MED16: variants seen among roughly 807,000 people sequenced by gnomAD.
MED16 encodes the protein mediator of RNA polymerase II transcription subunit 16.
MED16 carries 81 observed loss-of-function variants against 84.4 expected under a neutral mutation model. That is an observed-to-expected ratio of 0.96 (90% CI 0.80 to 1.15). The LOEUF (loss-of-function observed/expected upper bound fraction) is 1.15. MED16 is among the 50% of genes most tolerant of loss of function. The pLI is 0.00. For synonymous variants in MED16, 897 were observed against 552.2 expected, an observed-to-expected ratio of 1.62 and a Z score of -8.76; for missense variants, 1,585 against 1,245.9, an observed-to-expected ratio of 1.27 and a Z score of -4.10.
At position 890,131 on chromosome 19, in the gene MED16, C is replaced by T. The variant is rs1372397090; in HGVS notation, c.277+6G>A. The T allele has an allele frequency of 5.8e-6, 9 of 1,541,758 alleles. No individual in the cohort carries two copies. Among genetic ancestry groups the T allele is most frequent in the Middle Eastern group, 3.8e-4 (2 of 5,310 alleles). On this transcript the variant is annotated splice_donor_region_variant and intron_variant, in intron 3 of 15. Transcript: ENST00000325464. ...CACCCCTGGCCACGTGGGACCAGCGCCTCACCTGACTGGTCCCACTCCAGG... is the reference window on the plus strand; with the variant it reads ...CACCCCTGGCCACGTGGGACCAGCGTCTCACCTGACTGGTCCCACTCCAGG...
At chr19:870,449 T>A (rs1394157141) in intron 13 of MED16, among the ~76,000 whole-genome samples, 1 of 151,476 alleles carries the variant, frequency 6.6e-6, no homozygotes, top group African/African-American at 2.4e-5. Flanking sequence ...TAATCCCAGC[T>A]ACTGGGAAGG....
At chr19:883,260 C>T (rs1159993440) in intron 6 of MED16, among the ~76,000 whole-genome samples, 9 of 88,972 alleles carry the variant, frequency 1.0e-4, no homozygotes, top group Non-Finnish European at 1.9e-4. Context: ...TGGGGCGGTG[C>T]GTGAAGAGCT....
chr19:881,480 A>AC (rs1331935995), intron 7 of MED16, 79 bp downstream of exon 7: 1 of 1,501,658 alleles, frequency 6.7e-7, no homozygotes, highest in Non-Finnish European at 9.0e-7. Flanking sequence ...AGCTCCCACG[A>AC]CCCCGTGGCC....
At chr19:876,550 G>C (rs914776754) in intron 9 of MED16, among the ~76,000 whole-genome samples, 2 of 152,088 alleles carry the variant, frequency 1.3e-5, no homozygotes, top group African/African-American at 2.4e-5. Flanking sequence ...TGTTACAGAA[G>C]AAACTTCCCA....
Position 880,061 on chromosome 19 carries a change from G to T in MED16, c.1229C>A (p.Ala410Asp), listed in dbSNP as rs764524747. ...GGCCGGCTCATCCACAGGCCTCGGG[G>T]CCGCGGAGCTGTAGAAGACGGCCAT... is the stretch of plus-strand genomic sequence containing the variant. ...QTMAVFYSSA[A>D]PRPVDEPAMK... Residue 410 changes from alanine (A) to aspartate (D), a missense_variant, in exon 8 of 16, where the codon GCC (alanine) becomes GAC (aspartate). By Grantham distance (126) the Ala-to-Asp change is moderately radical. Coordinates refer to ENST00000325464, the MANE Select transcript of MED16 (RefSeq NM_005481.3). 39 of 1,611,102 alleles carry T rather than the reference G, an allele frequency of 2.4e-5. No individual in the cohort carries two copies. In the Admixed American group the frequency reaches 5.8e-4, roughly 24 times the overall value.
At chr19:881,383 C>A (rs1021829423) in intron 7 of MED16, among the ~76,000 whole-genome samples, 176 bp downstream of exon 7, 1 of 152,174 alleles carries the variant, frequency 6.6e-6, no homozygotes, top group Non-Finnish European at 1.5e-5. Flanking sequence ...ATGAGATCTG[C>A]CTCCTAATTG....
intron 11 of MED16, among the ~76,000 whole-genome samples, chr19:872,746 G>A (rs1302898899): frequency 6.6e-6 from 1 of 151,678 alleles, no homozygotes; most frequent in Non-Finnish European, 1.5e-5. Context: ...TTTCAAGGCC[G>A]CCCACCCCAG....
At position 881,604 on chromosome 19, in the gene MED16, T is replaced by A. The variant is rs759126722; in HGVS notation, c.1096A>T (p.Thr366Ser). The change falls in exon 7 of 16, where the codon ACC becomes TCC. Residue 366 changes from threonine to serine, a missense_variant. Thr to Ser is a moderately conservative substitution (Grantham distance 58, BLOSUM62 1). Coordinates refer to ENST00000325464, the MANE Select transcript of MED16 (RefSeq NM_005481.3). ...GTGTCGCTGGCCACCTTGAGGTCGG[T>A]GTTGGTGAGCGAGATGGGCAGCTTG... ...LPKLPISLTN[T>S]DLKVASDTQF... 1 of 1,612,560 alleles carries A rather than the reference T, an allele frequency of 6.2e-7. No homozygotes were observed. Among genetic ancestry groups the A allele is most frequent in the Non-Finnish European group, 8.5e-7 (1 of 1,179,880 alleles).
intron 13 of MED16, among the ~76,000 whole-genome samples, chr19:870,538 G>A (rs1242225758): frequency 2.0e-5 from 3 of 149,996 alleles, no homozygotes; most frequent in Non-Finnish European, 3.0e-5. Context: ...TCCAGCCTGG[G>A]CAACAGAGTG....
rs574431819 is a variant in MED16, at chr19:881,080, A to AGGGAAGAACGGGAGCTGG, written c.1141+461_1141+478dup. Among the ~76,000 whole-genome samples, 408 of 152,250 alleles carry AGGGAAGAACGGGAGCTGG rather than the reference A, an allele frequency of 2.7e-3. 1 individual carries two copies. Among genetic ancestry groups the AGGGAAGAACGGGAGCTGG allele is most frequent in the African/African-American group, 9.2e-3 (381 of 41,538 alleles). ...TGATAAATGCTCTTTCCAGGGAACCAGGGAAGAACGGGAGCTGGGGGAAGA... is the reference window on the plus strand; with the variant it reads ...TGATAAATGCTCTTTCCAGGGAACCAGGGAAGAACGGGAGCTGGGGGAAGAACGGGAGCTGGGGGAAGA... On this transcript the variant is annotated intron_variant, in intron 7 of 15. Coordinates refer to ENST00000325464, the MANE Select transcript of MED16 (RefSeq NM_005481.3).
At chr19:873,852 G>A (rs931721254) in intron 10 of MED16, among the ~76,000 whole-genome samples, 1 of 152,138 alleles carries the variant, frequency 6.6e-6, no homozygotes, top group African/African-American at 2.4e-5. Context: ...CCCCATGCCA[G>A]GGCCACCAGT....
chr19:873,601 C>G lies in MED16; in HGVS notation c.1772-19G>C, dbSNP rs112703975. ...TCAATGTCTACAAGGAGACGTGGGT[C>G]GGGTCAGCTCGGGCCTCTTGTACAC... On this transcript the variant is annotated intron_variant, in intron 10 of 15. Transcript: ENST00000325464. 1 of 1,611,120 alleles carries G rather than the reference C, an allele frequency of 6.2e-7. No individual in the cohort carries two copies. Among genetic ancestry groups the G allele is most frequent in the Non-Finnish European group, 8.5e-7 (1 of 1,179,430 alleles).
chr19:873,733 G>T, intron 10 of MED16, 151 bp from the exon 11 acceptor site: 1 of 937,616 alleles, frequency 1.1e-6, no homozygotes, highest in Non-Finnish European at 1.6e-6. Flanking sequence ...GGGCGATGGC[G>T]TTGCCGGACG....
chr19:880,795 C>T (rs563614295), intron 7 of MED16, among the ~76,000 whole-genome samples: 124 of 152,152 alleles, frequency 8.1e-4, no homozygotes, highest in African/African-American at 2.9e-3. Flanking sequence ...GCAGCACGCG[C>T]CTGTAGTCCC....
chr19:880,259 G>A, intron 7 of MED16, 111 bp from the exon 8 acceptor site: 1 of 984,284 alleles, frequency 1.0e-6, no homozygotes, highest in Non-Finnish European at 1.4e-6. Context: ...CATCCAGGGG[G>A]TCAGCCCCCG....
chr19:880,792 G>A (rs1187834808), intron 7 of MED16, among the ~76,000 whole-genome samples: 13 of 151,934 alleles, frequency 8.6e-5, no homozygotes, highest in Admixed American at 2.6e-4. Context: ...GTGGCAGCAC[G>A]CGCCTGTAGT....
rs563128075 is a variant in MED16 at position 874,870 on chromosome 19, A to C, written c.1771+374T>G. On this transcript the variant is annotated intron_variant, in intron 10 of 15. Coordinates refer to ENST00000325464, the MANE Select transcript of MED16 (RefSeq NM_005481.3). ...GGATGACACAGTGAGACCGTCTCTA[A>C]AAGCCTGGGTGTGGTGTAATCCCAG... Among the ~76,000 whole-genome samples the C allele has an allele frequency of 2.0e-5, 3 of 152,176 alleles. No individual in the cohort carries two copies. In the South Asian group the frequency reaches 6.2e-4, roughly 32 times the overall value.
intron 12 of MED16, 163 bp downstream of exon 12, chr19:871,763 G>A (rs572946175): frequency 1.1e-4 from 65 of 573,230 alleles, no homozygotes; most frequent in Middle Eastern, 4.9e-4. Context: ...TAGGGAGAGG[G>A]GAGCGGGGAG....
At chr19:879,082 ACG>A (rs1302801507) in intron 8 of MED16, among the ~76,000 whole-genome samples, 9 of 11,130 alleles carry the variant, frequency 8.1e-4, no homozygotes, top group East Asian at 3.6e-3. Context: ...CCCCAGCCCC[ACG>A]TGCCCCAGCA....
Sources: gnomAD v4.1 joint callset for allele counts (sites outside exome capture counted in the v4.1 genomes callset) on GRCh38, gnomAD v4.1.1 for gene constraint, MANE v1.5 for transcripts, NCBI Gene and HGNC (gene_info 2026-07-23, HGNC 2026-07-21) for gene names.